Variants in LVRN observed in about 807,000 individuals in gnomAD.
The protein encoded by LVRN is laeverin, also known as aminopeptidase Q.
In LVRN, 99 loss-of-function variants were observed where a neutral mutation model predicts 111.4. The observed-to-expected ratio is 0.89, with a 90% confidence interval of 0.76 to 1.05. The LOEUF is 1.05. Among genes scored for constraint, LVRN ranks in the 50% least tolerant of loss-of-function variants. LVRN has a pLI of 0.00. For missense variants in LVRN, 1,414 were observed against 1,206.8 expected, an observed-to-expected ratio of 1.17 and a Z score of -2.54; for synonymous variants, 488 against 449.5, an observed-to-expected ratio of 1.09 and a Z score of -1.08.
At position 116,027,265 on chromosome 5, in the gene LVRN, TCTC is replaced by T. The variant is rs1339613070; in HGVS notation, c.*1154_*1156del. ...TGTAGAATGGGGGTAAAACTACAAATCTCCTCCTCAGGGTGATATTTTTAAAGA... is the reference window on the plus strand; with the variant it reads ...TGTAGAATGGGGGTAAAACTACAAATCTCCTCAGGGTGATATTTTTAAAGA... On this transcript the variant is annotated 3_prime_UTR_variant, in exon 20 of 20. Coordinates refer to ENST00000357872, the MANE Select transcript of LVRN (RefSeq NM_173800.5). 2.6e-5 allele frequency: 4 copies of T among 152,180 alleles called. No individual in the cohort carries two copies. Among genetic ancestry groups the T allele is most frequent in the African/African-American group, 4.8e-5 (2 of 41,438 alleles). The allele number at this position is 152,180 out of a possible 1,614,324, so 9.4% of individuals were successfully genotyped here. A position where few individuals can be genotyped will look rare whatever the true frequency, so the allele number is the denominator to read the frequency against.
chr5:116,002,351 G>T (rs538210888), intron 10 of LVRN, among the ~76,000 whole-genome samples: 1 of 152,344 alleles, frequency 6.6e-6, no homozygotes, highest in South Asian at 2.1e-4. Flanking sequence ...TGCAGACATT[G>T]AATAAATGAA....
At chr5:115,977,346 G>A (rs1029742387) in intron 1 of LVRN, among the ~76,000 whole-genome samples, 10 of 152,120 alleles carry the variant, frequency 6.6e-5, no homozygotes, top group South Asian at 2.1e-4. Flanking sequence ...AAACTGCTTC[G>A]AGGCAGAAAA....
intron 3 of LVRN, 144 bp from the exon 4 acceptor site, chr5:115,987,669 T>C (rs1747896087): frequency 2.1e-6 from 2 of 934,370 alleles, no homozygotes; most frequent in South Asian, 3.6e-5. Flanking sequence ...TCTCAGGACA[T>C]GTAAGCATGC....
Position 115,992,126 on chromosome 5 carries a change from T to C in LVRN, c.1109T>C (p.Ile370Thr). ...TCCTCCATTTAAATCCACTTAGATA[T>C]AATTGCCTTGCCTAGTTTTGACAAC... ...NISYSLPKTD[I>T]IALPSFDNHA... Residue 370 changes from isoleucine to threonine, a missense_variant, in exon 5 of 20, where the codon ATA (isoleucine) becomes ACA (threonine). Transcript: ENST00000357872. 1 of 1,611,408 alleles carries C rather than the reference T, an allele frequency of 6.2e-7. No individual in the cohort carries two copies. Among genetic ancestry groups the C allele is most frequent in the South Asian group, 1.1e-5 (1 of 90,192 alleles).
At chr5:115,971,604 T>C (rs1156994700) in intron 1 of LVRN, among the ~76,000 whole-genome samples, 1 of 152,162 alleles carries the variant, frequency 6.6e-6, no homozygotes, top group Non-Finnish European at 1.5e-5. Flanking sequence ...TCTGCACTTC[T>C]GTAAAAAAAT....
intron 4 of LVRN, among the ~76,000 whole-genome samples, chr5:115,989,152 T>A (rs1747930026): frequency 6.6e-6 from 1 of 152,056 alleles, no homozygotes; most frequent in South Asian, 2.1e-4. Flanking sequence ...CCAGAGAAAA[T>A]CTGATCATGT....
chr5:116,017,039 A>C (rs1748616378), intron 18 of LVRN, among the ~76,000 whole-genome samples: 1 of 152,210 alleles, frequency 6.6e-6, no homozygotes, highest in Non-Finnish European at 1.5e-5. Context: ...GTATCTGATA[A>C]ATGCTGTAGA....
intron 14 of LVRN, among the ~76,000 whole-genome samples, chr5:116,011,623 C>G (rs1229149933): frequency 6.6e-6 from 1 of 152,264 alleles, no homozygotes; most frequent in Non-Finnish European, 1.5e-5. Context: ...ACAAATACGT[C>G]TAACGGCCCC....
At chr5:115,989,261 C>G (rs758498716) in intron 4 of LVRN, among the ~76,000 whole-genome samples, 2 of 152,182 alleles carry the variant, frequency 1.3e-5, no homozygotes, top group Non-Finnish European at 2.9e-5. Flanking sequence ...TCTTACCAAC[C>G]TCTCAGGGCT....
rs866050480 is a variant in LVRN, at chr5:116,026,762, G to A, written c.*644G>A. 2 of 152,734 alleles carry A rather than the reference G, an allele frequency of 1.3e-5. No individual in the cohort carries two copies. The highest frequency in any genetic ancestry group is 4.8e-5 in the African/African-American group (2 of 41,450). The allele number at this position is 152,734 out of a possible 1,614,324, so 9.5% of individuals were successfully genotyped here. ...GTGTTGCTGGTTACTAAACTTTATG[G>A]TGTCACAAAAAGACAAATGATTGTA... On this transcript the variant is annotated 3_prime_UTR_variant, in exon 20 of 20. Coordinates refer to ENST00000357872, the MANE Select transcript of LVRN (RefSeq NM_173800.5).
At chr5:115,990,121 A>G (rs1452203314) in intron 4 of LVRN, among the ~76,000 whole-genome samples, 8 of 152,192 alleles carry the variant, frequency 5.3e-5, no homozygotes, top group Non-Finnish European at 2.9e-5. Context: ...TACCCCTTAT[A>G]TAGAACAGTA....
chr5:115,966,964 GTCTTT>G (rs1247415107), intron 1 of LVRN, among the ~76,000 whole-genome samples: 1 of 151,972 alleles, frequency 6.6e-6, no homozygotes, highest in Non-Finnish European at 1.5e-5. Context: ...GTCTCTTCAC[GTCTTT>G]TCTTATTTTC....
At chr5:115,977,943 T>C (rs1278365171) in intron 1 of LVRN, among the ~76,000 whole-genome samples, 1 of 152,114 alleles carries the variant, frequency 6.6e-6, no homozygotes, top group African/African-American at 2.4e-5. Flanking sequence ...GAAATGAAAA[T>C]AGAAAGATCA....
In LVRN at chr5:116,015,365, A is replaced by C; in HGVS notation, c.2564A>C (p.Lys855Thr). The change falls in exon 17 of 20, where the codon AAG (lysine) becomes ACG (threonine). Residue 855 changes from lysine (K) to threonine (T), a missense_variant. Transcript: ENST00000357872. ...ACTAATACAACAAACAAAGAAGAAA[A>C]GATTCAACTTGCTTATGCAATGAGC... ...TYTNTTNKEEKIQLAYAMSCS... is the reference protein window; with the variant it reads ...TYTNTTNKEETIQLAYAMSCS... 6.2e-7 allele frequency: 1 copy of C among 1,611,422 alleles called. No homozygotes were observed. The highest frequency in any genetic ancestry group is 1.1e-5 in the South Asian group (1 of 90,290).
At chr5:116,006,026 A>T (rs1376732548) in intron 13 of LVRN, 59 bp downstream of exon 13, 1 of 1,347,430 alleles carries the variant, frequency 7.4e-7, no homozygotes. Flanking sequence ...TTATAAAAAT[A>T]ATAGCTTCAT....
chr5:116,000,379 C>G, intron 7 of LVRN, 54 bp from the exon 8 acceptor site: 2 of 1,577,588 alleles, frequency 1.3e-6, no homozygotes, highest in Non-Finnish European at 1.7e-6. Context: ...TGGAATGTGT[C>G]AGTATGTGGA....
chr5:116,017,957 G>A (rs1260110772), intron 18 of LVRN, among the ~76,000 whole-genome samples: 1 of 152,074 alleles, frequency 6.6e-6, no homozygotes, highest in Non-Finnish European at 1.5e-5. Flanking sequence ...CATTAATGTT[G>A]TTCTTTAAAA....
rs115123579 is a variant in LVRN, at chr5:116,013,135, C to A, written c.2342+667C>A. On this transcript the variant is annotated intron_variant, in intron 15 of 19. Coordinates refer to ENST00000357872, the MANE Select transcript of LVRN (RefSeq NM_173800.5). ...GCCAATAACGGTATAGGGATTATAC[C>A]TACAACTTCTGGTAAACATCAGGTT... Among the ~76,000 whole-genome samples the A allele has an allele frequency of 4.6e-3, 700 of 152,166 alleles. 3 individuals carry two copies. The highest frequency in any genetic ancestry group is 0.014 in the African/African-American group (571 of 41,502).
intron 3 of LVRN, among the ~76,000 whole-genome samples, chr5:115,987,598 G>C (rs1172162853): frequency 1.3e-5 from 2 of 152,110 alleles, no homozygotes; most frequent in African/African-American, 4.8e-5. Flanking sequence ...GTCAAAGATT[G>C]AAATAACACA....
Sources: gnomAD v4.1 joint callset for allele counts (sites outside exome capture counted in the v4.1 genomes callset) on GRCh38, gnomAD v4.1.1 for gene constraint, MANE v1.5 for transcripts, NCBI Gene and HGNC (gene_info 2026-07-23, HGNC 2026-07-21) for gene names.